The following MAPKAPK2 variants were observed in gnomAD, a reference collection of about 807,000 sequenced individuals.
MAPKAPK2 encodes MAPK activated protein kinase 2.
MAPKAPK2 carries 9 observed loss-of-function variants against 48.8 expected under a neutral mutation model. The observed-to-expected ratio is 0.18, with a 90% CI of 0.11 to 0.32. MAPKAPK2 has a LOEUF of 0.32. Among genes scored for constraint, MAPKAPK2 ranks in the 10% least tolerant of loss-of-function variants. MAPKAPK2 has a pLI of 1.00. For synonymous variants in MAPKAPK2, 202 were observed against 190.6 expected (o/e 1.06, Z -0.49); for missense variants, 331 against 498.3 (o/e 0.66, Z 3.20).
chr1:206,720,578 TG>T (rs1673482248), intron 1 of MAPKAPK2, among the ~76,000 whole-genome samples: 1 of 152,196 alleles, frequency 6.6e-6, no homozygotes, highest in African/African-American at 2.4e-5. Flanking sequence ...AGGCTGGTCA[TG>T]AACTTCTGAC....
chr1:206,697,144 G>A (rs937858788), intron 1 of MAPKAPK2, among the ~76,000 whole-genome samples: 1 of 152,196 alleles, frequency 6.6e-6, no homozygotes, highest in Non-Finnish European at 1.5e-5. Flanking sequence ...TCATGGAGAT[G>A]ACCCTTTTGC....
intron 1 of MAPKAPK2, among the ~76,000 whole-genome samples, chr1:206,713,005 C>CACACACACACACACA (rs1673208137): frequency 6.7e-6 from 1 of 150,316 alleles, no homozygotes; most frequent in Non-Finnish European, 1.5e-5. Flanking sequence ...CACACACACA[C>CACACACACACACACA]TAATAGGTTT....
chr1:206,699,497 A>T (rs2102383994), intron 1 of MAPKAPK2, among the ~76,000 whole-genome samples: 1 of 152,306 alleles, frequency 6.6e-6, no homozygotes, highest in East Asian at 1.9e-4. Flanking sequence ...TGTCTGGCTG[A>T]GGAGGGAGAG....
At chr1:206,698,832 G>T (rs1344688495) in intron 1 of MAPKAPK2, among the ~76,000 whole-genome samples, 2 of 152,122 alleles carry the variant, frequency 1.3e-5, no homozygotes, top group Non-Finnish European at 2.9e-5. Context: ...AAGCTATTTG[G>T]GGGGTGGGAA....
rs572976783 is a variant in MAPKAPK2 at position 206,706,054 on chromosome 1, C to T, written c.279+20546C>T. On this transcript the variant is annotated intron_variant, in intron 1 of 9. Coordinates refer to ENST00000367103, the MANE Select transcript of MAPKAPK2 (RefSeq NM_032960.4). ...GGGAGTGTGGGGTGGGAATCAGCTA[C>T]TCTTCCTGAGGATTATACACTTCCA... Among the ~76,000 whole-genome samples the T allele has an allele frequency of 2.0e-5, 3 of 152,278 alleles. No individual in the cohort carries two copies. In the South Asian group the frequency reaches 6.2e-4, roughly 32 times the overall value.
At chr1:206,725,058 A>G (rs1195545999) in intron 1 of MAPKAPK2, among the ~76,000 whole-genome samples, 3 of 152,224 alleles carry the variant, frequency 2.0e-5, no homozygotes, top group Non-Finnish European at 4.4e-5. Flanking sequence ...GGGATTCAAA[A>G]TGCATGCGAT....
At chr1:206,696,763 T>C (rs1553427124) in intron 1 of MAPKAPK2, among the ~76,000 whole-genome samples, 1 of 152,162 alleles carries the variant, frequency 6.6e-6, no homozygotes, top group African/African-American at 2.4e-5. Flanking sequence ...ACTTAGCTGC[T>C]GAATAAAGGT....
intron 1 of MAPKAPK2, among the ~76,000 whole-genome samples, chr1:206,692,274 G>C (rs1004945954): frequency 2.3e-4 from 35 of 152,210 alleles, no homozygotes; most frequent in African/African-American, 7.7e-4. Context: ...ATTAGGGGTT[G>C]TTCTTAGGTT....
chr1:206,703,926 A>T (rs1553428212), intron 1 of MAPKAPK2, among the ~76,000 whole-genome samples: 1 of 152,138 alleles, frequency 6.6e-6, no homozygotes, highest in East Asian at 1.9e-4. Context: ...GAGGGCGGGG[A>T]GCTTGAGAGT....
intron 1 of MAPKAPK2, among the ~76,000 whole-genome samples, chr1:206,692,599 T>A (rs1358291793): frequency 6.6e-6 from 1 of 152,218 alleles, no homozygotes; most frequent in Non-Finnish European, 1.5e-5. Flanking sequence ...TGAAAGGTTC[T>A]TGGGGTCTTT....
chr1:206,729,502 C>G, intron 4 of MAPKAPK2, 27 bp downstream of exon 4: 1 of 1,603,124 alleles, frequency 6.2e-7, no homozygotes, highest in Non-Finnish European at 8.5e-7. Flanking sequence ...ACCCTGAGCC[C>G]GAGTGCTGTG....
chr1:206,717,687 C>A (rs552164495), intron 1 of MAPKAPK2, among the ~76,000 whole-genome samples: 1 of 152,218 alleles, frequency 6.6e-6, no homozygotes, highest in African/African-American at 2.4e-5. Flanking sequence ...GCTCTCCTGC[C>A]TCTAGCAGGA....
intron 1 of MAPKAPK2, among the ~76,000 whole-genome samples, chr1:206,701,172 A>G (rs1344094065): frequency 2.0e-5 from 3 of 152,214 alleles, no homozygotes; most frequent in African/African-American, 7.2e-5. Flanking sequence ...CCTGGATCCC[A>G]CTGAGAATAC....
chr1:206,698,811 A>G (rs2102383206), intron 1 of MAPKAPK2, among the ~76,000 whole-genome samples: 1 of 152,256 alleles, frequency 6.6e-6, no homozygotes, highest in African/African-American at 2.4e-5. Flanking sequence ...CAGTATATAA[A>G]ACAGACAAAA....
At chr1:206,715,624 TC>T (rs1403365458) in intron 1 of MAPKAPK2, among the ~76,000 whole-genome samples, 5 of 142,990 alleles carry the variant, frequency 3.5e-5, no homozygotes, top group Admixed American at 2.9e-4. Flanking sequence ...TCTTTTTCTT[TC>T]TTTCTTTTTT....
At chr1:206,696,233 G>A in intron 1 of MAPKAPK2, 1 of 1,411,102 alleles carries the variant, frequency 7.1e-7, no homozygotes, top group South Asian at 1.2e-5. Context: ...CTGATGACCT[G>A]TTCTTCCTTC....
intron 1 of MAPKAPK2, among the ~76,000 whole-genome samples, chr1:206,717,482 G>T (rs952912973): frequency 1.7e-4 from 26 of 152,186 alleles, no homozygotes; most frequent in African/African-American, 4.6e-4. Context: ...ACTGCTGTGT[G>T]CAGTGTTCAT....
intron 1 of MAPKAPK2, among the ~76,000 whole-genome samples, chr1:206,711,448 G>T (rs1223025450): frequency 6.6e-6 from 1 of 151,794 alleles, no homozygotes; most frequent in African/African-American, 2.4e-5. Context: ...ATGGGGTTTC[G>T]CCATGTTGGC....
intron 1 of MAPKAPK2, among the ~76,000 whole-genome samples, chr1:206,697,765 C>A (rs555458525): frequency 2.4e-4 from 36 of 152,240 alleles, no homozygotes; most frequent in Non-Finnish European, 4.8e-4. Flanking sequence ...GGACTGAGGT[C>A]AAAGGTTTGA....
Sources: allele counts gnomAD v4.1 joint callset (sites outside exome capture counted in the v4.1 genomes callset), GRCh38; gene constraint gnomAD v4.1.1; transcripts MANE v1.5; gene names NCBI Gene and HGNC (gene_info 2026-07-23, HGNC 2026-07-21).